Variants in TJP1 observed in about 807,000 individuals in gnomAD.
TJP1 encodes tight junction protein 1.
In TJP1, 43 loss-of-function variants were observed where a neutral mutation model predicts 194.2. The ratio of observed to expected loss-of-function variants is 0.22; its 90% CI spans 0.17 to 0.29. TJP1 has a LOEUF of 0.29. TJP1 is among the 10% of genes least tolerant of loss of function. TJP1 has a pLI of 1.00. For missense variants in TJP1, 1,971 were observed against 2,185.7 expected (o/e 0.90, Z 1.96); for synonymous variants, 801 against 779.0 (o/e 1.03, Z -0.47).
At chr15:29,963,997 TG>T (rs150226038) in intron 1 of TJP1, among the ~76,000 whole-genome samples, 7,316 of 152,280 alleles carry the variant, frequency 0.048, 249 homozygotes, top group South Asian at 0.093. Context: ...TCAAGACTGC[TG>T]ATAGCAATAA....
chr15:29,752,554 A>C (rs2045358696), intron 8 of TJP1, among the ~76,000 whole-genome samples: 1 of 152,170 alleles, frequency 6.6e-6, no homozygotes, highest in African/African-American at 2.4e-5. Flanking sequence ...AGAGAAACTT[A>C]ATCAACTAAA....
chr15:29,743,022 G>C, intron 8 of TJP1: 1 of 303,960 alleles, frequency 3.3e-6, no homozygotes, highest in Non-Finnish European at 5.9e-6. Flanking sequence ...AATTTATCAT[G>C]AAAGTAGCAT....
At chr15:29,917,245 A>G (rs1015436024) in intron 2 of TJP1, among the ~76,000 whole-genome samples, 1 of 152,210 alleles carries the variant, frequency 6.6e-6, no homozygotes, top group Non-Finnish European at 1.5e-5. Flanking sequence ...TGTGTACAAT[A>G]AGATAAACTG....
intron 2 of TJP1, among the ~76,000 whole-genome samples, chr15:29,863,427 G>A (rs1293705903): frequency 6.6e-6 from 1 of 152,172 alleles, no homozygotes; most frequent in Non-Finnish European, 1.5e-5. Context: ...AGAGTCCTCA[G>A]CTCACAACGA....
rs562361864 is a variant in TJP1, at chr15:29,881,794, C to T, written c.306+74438G>A. Among the ~76,000 whole-genome samples, 16 of 152,128 alleles carry T rather than the reference C, an allele frequency of 1.1e-4. No individual in the cohort carries two copies. The South Asian group carries it at 1.9e-3, about 18-fold the overall frequency. ...AAAGTGCTTCTGGACAATAAAACTA[C>T]GACAATGTTTTTGAGAGTGGTCTAT... On this transcript the variant is annotated intron_variant, in intron 2 of 28. Coordinates refer to the TJP1 transcript ENST00000356107.
chr15:29,791,120 G>A (rs996843688), intron 2 of TJP1, among the ~76,000 whole-genome samples: 6 of 151,902 alleles, frequency 3.9e-5, no homozygotes, highest in African/African-American at 9.7e-5. Flanking sequence ...TCTGCCTCCC[G>A]GGTTGAAGCA....
chr15:29,796,867 C>T lies in TJP1; in HGVS notation c.84+3779G>A, dbSNP rs377700756. On this transcript the variant is annotated intron_variant, in intron 2 of 27. Transcript: ENST00000614355. ...ACAAGGGAGTCCAGAAATATATGGT[C>T]AATTGATTTTTGACAAAGCGAGAAA... 4.9e-4 allele frequency among the ~76,000 whole-genome samples: 74 copies of T among 151,774 alleles called. 1 individual carries two copies. Among genetic ancestry groups the T allele is most frequent in the Admixed American group, 1.1e-3 (17 of 15,252 alleles).
intron 2 of TJP1, among the ~76,000 whole-genome samples, chr15:29,917,189 C>T (rs1364813305): frequency 6.6e-6 from 1 of 152,164 alleles, no homozygotes; most frequent in South Asian, 2.1e-4. Flanking sequence ...GTTTTAGATG[C>T]CGACTCCACA....
chr15:29,945,963 A>T (rs1388701612), intron 2 of TJP1, among the ~76,000 whole-genome samples: 1 of 152,190 alleles, frequency 6.6e-6, no homozygotes, highest in Non-Finnish European at 1.5e-5. Flanking sequence ...CACGGTTTCT[A>T]AATACTCCAT....
intron 2 of TJP1, among the ~76,000 whole-genome samples, chr15:29,880,882 T>C (rs1003243037): frequency 1.3e-5 from 2 of 152,248 alleles, no homozygotes; most frequent in African/African-American, 4.8e-5. Flanking sequence ...TTGGCTATTA[T>C]GAATAATGCC....
At chr15:29,949,930 CACCACCACCTCCACA>C (rs1251519791) in intron 2 of TJP1, among the ~76,000 whole-genome samples, 1 of 58,798 alleles carries the variant, frequency 1.7e-5, no homozygotes, top group Non-Finnish European at 2.8e-5. Context: ...CCTTCACCAC[CACCACCACCTCCACA>C]ACCACCACCA....
chr15:29,771,792 G>GA (rs1566993378), intron 4 of TJP1, among the ~76,000 whole-genome samples: 1 of 148,012 alleles, frequency 6.8e-6, no homozygotes, highest in Non-Finnish European at 1.5e-5. Context: ...GCGACAGAGC[G>GA]AGACTCCGTC....
intron 1 of TJP1, among the ~76,000 whole-genome samples, chr15:29,813,707 G>A (rs1403559379): frequency 6.6e-6 from 1 of 152,130 alleles, no homozygotes; most frequent in Non-Finnish European, 1.5e-5. Flanking sequence ...AAGAAGGGAG[G>A]ATATGACCCA....
intron 2 of TJP1, among the ~76,000 whole-genome samples, chr15:29,918,291 G>C (rs1383890137): frequency 6.6e-6 from 1 of 152,162 alleles, no homozygotes; most frequent in Non-Finnish European, 1.5e-5. Context: ...CTATGAAATT[G>C]GGTGTACAAA....
At chr15:29,894,493 A>G (rs1028854654) in intron 2 of TJP1, among the ~76,000 whole-genome samples, 1 of 152,228 alleles carries the variant, frequency 6.6e-6, no homozygotes, top group Non-Finnish European at 1.5e-5. Context: ...AAAAGCATAC[A>G]CATAAAGGAA....
At chr15:29,727,718 T>G (rs919231010) in intron 16 of TJP1, among the ~76,000 whole-genome samples, 2 of 152,218 alleles carry the variant, frequency 1.3e-5, no homozygotes, top group Non-Finnish European at 2.9e-5. Context: ...CTAAAAATCA[T>G]ACACTTGTTT....
intron 2 of TJP1, among the ~76,000 whole-genome samples, chr15:29,834,689 G>T (rs747460270): frequency 1.3e-5 from 2 of 152,178 alleles, no homozygotes; most frequent in Non-Finnish European, 2.9e-5. Context: ...AAGAAAAATT[G>T]GTGGCAGCTT....
intron 4 of TJP1, among the ~76,000 whole-genome samples, chr15:29,768,812 A>G (rs2046474406): frequency 6.6e-6 from 1 of 152,190 alleles, no homozygotes; most frequent in Admixed American, 6.5e-5. Flanking sequence ...TAACACTATG[A>G]AAAATTTGGA....
intron 2 of TJP1, among the ~76,000 whole-genome samples, chr15:29,949,661 TCCACAACCACCACCTCCACC>T (rs2055545164): frequency 2.1e-5 from 1 of 48,134 alleles, no homozygotes; most frequent in Non-Finnish European, 4.3e-5. Flanking sequence ...CACCTCCACC[TCCACAACCACCACCTCCACC>T]TTCACCACCA....
Sources: gnomAD v4.1 joint callset for allele counts (sites outside exome capture counted in the v4.1 genomes callset) on GRCh38, gnomAD v4.1.1 for gene constraint, MANE v1.5 for transcripts, NCBI Gene and HGNC (gene_info 2026-07-23, HGNC 2026-07-21) for gene names.